Variants in UMOD observed in about 807,000 individuals in gnomAD.
The protein encoded by UMOD is Tamm-Horsfall urinary glycoprotein.
UMOD carries 64 observed loss-of-function variants against 66.0 expected under a neutral mutation model. The observed-to-expected ratio is 0.97, with a 90% CI of 0.79 to 1.19. The LOEUF (loss-of-function observed/expected upper bound fraction) is 1.19. Among genes scored for constraint, UMOD ranks in the 50% most tolerant of loss-of-function variants. The pLI is 0.00. For synonymous variants in UMOD, 398 were observed against 352.7 expected, an observed-to-expected ratio of 1.13 and a Z score of -1.44; for missense variants, 764 against 850.9, an observed-to-expected ratio of 0.90 and a Z score of 1.27.
chr16:20,345,105 C>G (rs1297464985), intron 5 of UMOD, among the ~76,000 whole-genome samples: 1 of 152,170 alleles, frequency 6.6e-6, no homozygotes, highest in Non-Finnish European at 1.5e-5. Flanking sequence ...CCTCTGCTTC[C>G]TGGGTTCAAG....
At chr16:20,347,604 A>G (rs1596559695) in intron 4 of UMOD, among the ~76,000 whole-genome samples, 2 of 152,162 alleles carry the variant, frequency 1.3e-5, no homozygotes, top group South Asian at 4.1e-4. Flanking sequence ...AACATTCCAA[A>G]TTTGCTTAAG....
At chr16:20,343,151 A>ATAAATAAATAATTAAATAAATAAT (rs34049357) in intron 6 of UMOD, among the ~76,000 whole-genome samples, 2 of 151,334 alleles carry the variant, frequency 1.3e-5, no homozygotes. Context: ...AAATAAATAA[A>ATAAATAAATAATTAAATAAATAAT]TAAATAATCA....
Position 20,350,767 on chromosome 16 carries a change from T to C in UMOD, c.-30A>G. 6.2e-7 allele frequency: 1 copy of C among 1,614,076 alleles called. No individual in the cohort carries two copies. ...TCTGCTCTTCCCGCTACTTCAGGTC[T>C]AGATAGCACCTGCCCAAAGGAAAGA... On this transcript the variant is annotated 5_prime_UTR_variant, in exon 2 of 11. Transcript: ENST00000396138.
In UMOD at chr16:20,348,975, A is replaced by G; in HGVS notation, c.326T>C (p.Val109Ala). Reference protein sequence around the residue: ...RLSPGLGCTDVDECAEPGLSH... With the variant: ...RLSPGLGCTDADECAEPGLSH... The stretch of plus-strand genomic sequence containing the variant: ...AAGCCCAGGCTCAGCGCACTCATCC[A>G]CGTCTGTGCAGCCGAGACCGGGCGA... The change falls in exon 3 of 11, where the codon GTG becomes GCG. Residue 109 changes from valine to alanine, a missense_variant. By Grantham distance (64) the Val-to-Ala change is moderately conservative. Transcript: ENST00000396138. 6.4e-7 allele frequency: 1 copy of G among 1,573,816 alleles called. No homozygotes were observed. Among genetic ancestry groups the G allele is most frequent in the East Asian group, 2.4e-5 (1 of 42,534 alleles).
intron 7 of UMOD, 124 bp downstream of exon 7, chr16:20,340,967 C>A: frequency 8.5e-7 from 1 of 1,174,592 alleles, no homozygotes; most frequent in Non-Finnish European, 1.2e-6. Flanking sequence ...GCACTCCAAC[C>A]TTGGCGACAG....
chr16:20,350,377 C>G (rs1759962031), intron 2 of UMOD, among the ~76,000 whole-genome samples: 1 of 152,130 alleles, frequency 6.6e-6, no homozygotes, highest in Non-Finnish European at 1.5e-5. Flanking sequence ...TCCAGGGACC[C>G]CAGTATGAGC....
intron 9 of UMOD, 86 bp from the exon 10 acceptor site, chr16:20,335,606 T>A: frequency 7.3e-7 from 1 of 1,368,618 alleles, no homozygotes; most frequent in Non-Finnish European, 1.0e-6. Context: ...AATCTACTTT[T>A]CACTTCGCAG....
rs146440803 is a variant in UMOD, at chr16:20,344,113, G to T, written c.1242C>A (p.Ile414=). 93 of 1,518,532 alleles carry T rather than the reference G, an allele frequency of 6.1e-5. No individual in the cohort carries two copies. The highest frequency in any genetic ancestry group is 7.3e-5 in the Non-Finnish European group (82 of 1,119,350). The allele number at this position is 1,518,532 out of a possible 1,614,324, so 94.1% of individuals were successfully genotyped here. Residue 414 remains isoleucine (I), a synonymous_variant, in exon 6 of 11, where the codon ATC becomes ATA. Transcript: ENST00000396138. ...NTLYLADEII[I]RDLNIKINFA... The stretch of plus-strand genomic sequence containing the variant: ...AGTTGATTTTGATGTTGAGGTCACG[G>T]ATGATGATCTCATCTGCCAGGTAGA...
At position 20,348,457 on chromosome 16, in the gene UMOD, ACT is replaced by A; in HGVS notation, c.842_843del (p.Glu281ValfsTer17). On this transcript the variant is annotated frameshift_variant, in exon 3 of 11. Coordinates refer to ENST00000396138, the MANE Select transcript of UMOD (RefSeq NM_003361.4). LOFTEE classifies it high-confidence loss of function. ...TGACCTGTGCAGTACGCCAGGTGAC[ACT>A]CGGGGGGCGCTGTCAGGTTGTAGAC... ...YYVYNLTAPPECHLAYCTDPS... is the reference protein window; with the variant it reads ...YYVYNLTAPPXCHLAYCTDPS... 6.2e-7 allele frequency: 1 copy of A among 1,613,002 alleles called. No individual in the cohort carries two copies. Among genetic ancestry groups the A allele is most frequent in the Non-Finnish European group, 8.5e-7 (1 of 1,179,734 alleles).
chr16:20,338,481 G>A (rs1020465249), intron 7 of UMOD, among the ~76,000 whole-genome samples: 1 of 152,090 alleles, frequency 6.6e-6, no homozygotes, highest in African/African-American at 2.4e-5. Context: ...TTTCCGCAAT[G>A]TCCCTGCTGT....
rs200760593 is a variant in UMOD, at chr16:20,346,362, C to T, written c.974-28G>A. The T allele has an allele frequency of 9.2e-5, 148 of 1,613,130 alleles. No individual in the cohort carries two copies. The Admixed American group carries it at 1.0e-3, about 11-fold the overall frequency. ...GAAACAGGTTAGGTGGGATTGAGGA[C>T]GTGTGTCTATAGCTTGGGGGCCCAG... On this transcript the variant is annotated intron_variant, in intron 4 of 10. Coordinates refer to ENST00000396138, the MANE Select transcript of UMOD (RefSeq NM_003361.4).
intron 5 of UMOD, among the ~76,000 whole-genome samples, chr16:20,345,432 T>TTCTCTC (rs1478368774): frequency 1.6e-5 from 1 of 63,582 alleles, no homozygotes; most frequent in African/African-American, 6.3e-5. Context: ...TTCTTTCTCT[T>TTCTCTC]TCTTTCTTTC....
At chr16:20,354,574 T>C (rs1223298876), upstream of UMOD, among the ~76,000 whole-genome samples, 1 of 152,010 alleles carries the variant, frequency 6.6e-6, no homozygotes, top group African/African-American at 2.4e-5. Context: ...ACCTTTTTCA[T>C]GAGGCCTTGT....
intron 10 of UMOD, among the ~76,000 whole-genome samples, chr16:20,334,717 C>G (rs752456183): frequency 4.6e-5 from 7 of 152,026 alleles, no homozygotes; most frequent in Admixed American, 2.0e-4. Context: ...CACCCTGGGA[C>G]CTCAGGGAGT....
chr16:20,337,149 C>A, intron 8 of UMOD, 142 bp downstream of exon 8: 1 of 1,175,704 alleles, frequency 8.5e-7, no homozygotes, highest in African/African-American at 1.5e-5. Flanking sequence ...AGGTTTCCTG[C>A]CTAGCCACGC....
rs1216718316 is a variant in UMOD, at chr16:20,333,217, C to CT, written c.*96dup. 4.6e-6 allele frequency: 6 copies of CT among 1,295,924 alleles called. No individual in the cohort carries two copies. In the African/African-American group the frequency reaches 8.8e-5, roughly 19 times the overall value. 80.3% of individuals were successfully genotyped at this position (1,295,924 alleles called of 1,614,324 possible). The stretch of plus-strand genomic sequence containing the variant: ...GAAGGCAGGCTGAACAAAGCATGAA[C>CT]TTTCTTTTCTGTGGCTGGAGCACTG... On this transcript the variant is annotated 3_prime_UTR_variant, in exon 11 of 11. Transcript: ENST00000396138.
At chr16:20,339,633 C>A (rs553395108) in intron 7 of UMOD, among the ~76,000 whole-genome samples, 1 of 152,208 alleles carries the variant, frequency 6.6e-6, no homozygotes, top group African/African-American at 2.4e-5. Context: ...CAGAAACAGA[C>A]CACTGTCTCT....
At chr16:20,344,198 G>A (rs368831760) in intron 5 of UMOD, 26 bp from the exon 6 acceptor site, 44 of 1,484,764 alleles carry the variant, frequency 3.0e-5, no homozygotes, top group African/African-American at 4.2e-5. Flanking sequence ...GGGGTGGAGG[G>A]GGGGTGGGGA....
Position 20,348,667 on chromosome 16 carries a change from G to T in UMOD, c.634C>A (p.Arg212Ser). Residue 212 changes from arginine (R) to serine (S), a missense_variant, in exon 3 of 11, where the codon CGC (arginine) becomes AGC (serine). Coordinates refer to ENST00000396138, the MANE Select transcript of UMOD (RefSeq NM_003361.4). ...ACTGGCACGCAGGTCTCGGCCATGC[G>T]CGCACCGCCCTGGCCCACGAAGCGG... ...WYRFVGQGGA[R>S]MAETCVPVLR... The T allele has an allele frequency of 1.3e-6, 2 of 1,556,882 alleles. No individual in the cohort carries two copies.
Sources: allele counts gnomAD v4.1 joint callset (sites outside exome capture counted in the v4.1 genomes callset), GRCh38; gene constraint gnomAD v4.1.1; transcripts MANE v1.5; gene names NCBI Gene and HGNC (gene_info 2026-07-23, HGNC 2026-07-21).